The following MTHFD2L variants were observed in gnomAD, a reference collection of about 807,000 sequenced individuals.
MTHFD2L encodes the protein bifunctional methylenetetrahydrofolate dehydrogenase/cyclohydrolase 2, mitochondrial.
In MTHFD2L, 29 loss-of-function variants were observed where a neutral mutation model predicts 34.9. That is an observed-to-expected ratio of 0.83 (90% CI 0.62 to 1.13). The LOEUF is 1.13. Among genes scored for constraint, MTHFD2L ranks in the 50% most tolerant of loss-of-function variants. The pLI, the probability that MTHFD2L is intolerant of heterozygous loss-of-function variation, is 0.00. For synonymous variants in MTHFD2L, 167 were observed against 155.7 expected (o/e 1.07, Z -0.54); for missense variants, 481 against 446.5 (o/e 1.08, Z -0.70).
chr4:74,258,227 A>G (rs1744265623), intron 6 of MTHFD2L, among the ~76,000 whole-genome samples: 2 of 152,196 alleles, frequency 1.3e-5, no homozygotes, highest in Admixed American at 6.5e-5. Flanking sequence ...CACCCTTCTA[A>G]GTACGTAGCC....
chr4:74,270,541 G>A (rs1299666165), intron 6 of MTHFD2L, among the ~76,000 whole-genome samples: 8 of 152,144 alleles, frequency 5.3e-5, no homozygotes, highest in Non-Finnish European at 7.4e-5. Flanking sequence ...TGGTGTATAT[G>A]TGCCACATTT....
chr4:74,249,827 G>A lies in MTHFD2L; in HGVS notation c.805+24433G>A, dbSNP rs190509987. On this transcript the variant is annotated intron_variant, in intron 6 of 7. Transcript: ENST00000325278. ...ATTGGCCCCCACTCTCTTCTGGCTC[G>A]TAGAGTTTCTGCTGAGAGATCCACT... 3.6e-3 allele frequency among the ~76,000 whole-genome samples: 546 copies of A among 152,238 alleles called. 3 individuals carry two copies. The highest frequency in any genetic ancestry group is 0.012 in the African/African-American group (506 of 41,542).
In MTHFD2L at chr4:74,199,039, T is replaced by TTACTAC. The variant is rs1351006701; in HGVS notation, c.452-753_452-752insCTACTA. Among the ~76,000 whole-genome samples the TTACTAC allele has an allele frequency of 2.0e-5, 3 of 152,162 alleles. No homozygotes were observed. The East Asian group carries it at 5.8e-4, about 29-fold the overall frequency. On this transcript the variant is annotated intron_variant, in intron 3 of 7. Coordinates refer to ENST00000325278, the MANE Select transcript of MTHFD2L (RefSeq NM_001144978.3). ...AAACTTTTACATAGAAAATATACTT[T>TTACTAC]TAGTATATTAGGCATATGGGTTAAT...
At chr4:74,115,977 C>T (rs1170945461) in intron 2 of MTHFD2L, among the ~76,000 whole-genome samples, 1 of 152,096 alleles carries the variant, frequency 6.6e-6, no homozygotes, top group Non-Finnish European at 1.5e-5. Flanking sequence ...TATTTGTAAT[C>T]AAAGACCCTG....
At chr4:74,284,034 T>C (rs1443786364) in intron 7 of MTHFD2L, among the ~76,000 whole-genome samples, 1 of 152,146 alleles carries the variant, frequency 6.6e-6, no homozygotes, top group Non-Finnish European at 1.5e-5. Flanking sequence ...AAAGTTTCAC[T>C]ATAACTATAG....
chr4:74,171,847 A>G (rs1156607040), intron 1 of MTHFD2L, among the ~76,000 whole-genome samples: 1 of 152,208 alleles, frequency 6.6e-6, no homozygotes, highest in Admixed American at 6.5e-5. Context: ...ATATTAAAGC[A>G]TATGTGTTAT....
chr4:74,240,725 G>A (rs774497220), intron 6 of MTHFD2L, among the ~76,000 whole-genome samples: 1 of 151,950 alleles, frequency 6.6e-6, no homozygotes, highest in Non-Finnish European at 1.5e-5. Flanking sequence ...AAAATGTATT[G>A]ATTTCATATT....
intron 3 of MTHFD2L, among the ~76,000 whole-genome samples, chr4:74,185,855 A>G (rs534303414): frequency 1.3e-5 from 2 of 152,322 alleles, no homozygotes; most frequent in South Asian, 4.1e-4. Context: ...ATAGTGATAA[A>G]GAAGAGGGAA....
intron 3 of MTHFD2L, among the ~76,000 whole-genome samples, chr4:74,192,177 T>C (rs139746254): frequency 9.7e-4 from 147 of 152,222 alleles, no homozygotes; most frequent in African/African-American, 3.4e-3. Flanking sequence ...TGATATGCTA[T>C]CGGAAAAAGG....
At chr4:74,133,161 A>G (rs1288420805) in intron 1 of MTHFD2L, among the ~76,000 whole-genome samples, 1 of 152,136 alleles carries the variant, frequency 6.6e-6, no homozygotes, top group Non-Finnish European at 1.5e-5. Flanking sequence ...TCTGGCCTAC[A>G]TGGTTTCCAT....
intron 6 of MTHFD2L, among the ~76,000 whole-genome samples, chr4:74,279,370 T>C (rs998930835): frequency 6.6e-6 from 1 of 151,992 alleles, no homozygotes; most frequent in Admixed American, 6.6e-5. Flanking sequence ...CTTATTTTCT[T>C]TGGATAGTAA....
chr4:74,227,667 A>T (rs1490580293), intron 6 of MTHFD2L, among the ~76,000 whole-genome samples: 3 of 152,210 alleles, frequency 2.0e-5, no homozygotes, highest in Admixed American at 2.0e-4. Flanking sequence ...TTGGGAAGGT[A>T]GCCAGGGTTA....
chr4:74,280,589 T>A (rs1747314371), intron 6 of MTHFD2L: 1 of 151,928 alleles, frequency 6.6e-6, no homozygotes, highest in African/African-American at 2.4e-5. Flanking sequence ...AATAATAAAT[T>A]GTTGCTTTAA....
intron 6 of MTHFD2L, among the ~76,000 whole-genome samples, chr4:74,238,225 C>A (rs959894962): frequency 6.6e-6 from 1 of 152,124 alleles, no homozygotes; most frequent in Admixed American, 6.5e-5. Flanking sequence ...ACCTGGTTAC[C>A]TGCTTTAGGT....
chr4:74,176,916 T>G (rs934612698), intron 3 of MTHFD2L, among the ~76,000 whole-genome samples: 1 of 151,996 alleles, frequency 6.6e-6, no homozygotes, highest in Non-Finnish European at 1.5e-5. Context: ...AATATTTTTC[T>G]TTATCCAGCA....
At chr4:74,282,720 A>G (rs1370728686) in intron 7 of MTHFD2L, among the ~76,000 whole-genome samples, 1 of 152,144 alleles carries the variant, frequency 6.6e-6, no homozygotes, top group Non-Finnish European at 1.5e-5. Flanking sequence ...CAAAGTACAG[A>G]TGTACCGTAC....
At chr4:74,263,087 C>CTA (rs982732069) in intron 6 of MTHFD2L, among the ~76,000 whole-genome samples, 17 of 151,452 alleles carry the variant, frequency 1.1e-4, no homozygotes, top group African/African-American at 3.1e-4. Context: ...AAATGTAATC[C>CTA]TATATATATA....
intron 1 of MTHFD2L, among the ~76,000 whole-genome samples, chr4:74,141,876 T>G (rs922473970): frequency 6.6e-6 from 1 of 152,162 alleles, no homozygotes; most frequent in Non-Finnish European, 1.5e-5. Flanking sequence ...CATTATAGCT[T>G]AATTAGGAAA....
intron 5 of MTHFD2L, among the ~76,000 whole-genome samples, chr4:74,208,693 C>G (rs1191234075): frequency 6.6e-6 from 1 of 152,100 alleles, no homozygotes; most frequent in Admixed American, 6.6e-5. Flanking sequence ...CCAACTGAAT[C>G]CCAGATTACC....
Sources: gnomAD v4.1 joint callset for allele counts (sites outside exome capture counted in the v4.1 genomes callset) on GRCh38, gnomAD v4.1.1 for gene constraint, MANE v1.5 for transcripts, NCBI Gene and HGNC (gene_info 2026-07-23, HGNC 2026-07-21) for gene names.